KLHL1: variants seen among roughly 807,000 people sequenced by gnomAD.
KLHL1 encodes kelch-like protein 1.
In KLHL1, 47 loss-of-function variants were observed where a neutral mutation model predicts 77.7. The ratio of observed to expected loss-of-function variants is 0.60; its 90% confidence interval spans 0.48 to 0.77. The LOEUF is 0.77. Among genes scored for constraint, KLHL1 ranks in the 30% least tolerant of loss-of-function variants. The probability of loss-of-function intolerance (pLI) is 0.00; values close to 1 mark genes in which losing one functional copy is unlikely to be tolerated. For missense variants in KLHL1, 925 were observed against 910.8 expected, an observed-to-expected ratio of 1.02 and a Z score of -0.20; for synonymous variants, 360 against 325.2, an observed-to-expected ratio of 1.11 and a Z score of -1.15.
chr13:69,859,946 AATCT>A lies in KLHL1; in HGVS notation c.1228-20788_1228-20785del, dbSNP rs372947139. Among the ~76,000 whole-genome samples, 930 of 152,190 alleles carry A rather than the reference AATCT, an allele frequency of 6.1e-3. 7 individuals carry two copies. The highest frequency in any genetic ancestry group is 0.021 in the African/African-American group (854 of 41,558). ...AGAAGAAATTACAACAGAAAAACTC[AATCT>A]ATCATCTGAAGGCCTAAACAACAAC... On this transcript the variant is annotated intron_variant, in intron 5 of 10. Coordinates refer to ENST00000377844, the MANE Select transcript of KLHL1 (RefSeq NM_020866.3).
At chr13:69,904,431 G>A (rs2138232798) in intron 4 of KLHL1, among the ~76,000 whole-genome samples, 1 of 152,210 alleles carries the variant, frequency 6.6e-6, no homozygotes, top group South Asian at 2.1e-4. Flanking sequence ...CATTTCTCCT[G>A]TCAAAGCAAA....
intron 7 of KLHL1, among the ~76,000 whole-genome samples, chr13:69,755,655 A>G (rs1285967941): frequency 6.7e-6 from 1 of 149,840 alleles, no homozygotes; most frequent in Non-Finnish European, 1.5e-5. Flanking sequence ...TTTTAAAAAA[A>G]AAGCACTGCA....
chr13:70,071,838 A>C (rs1887144915), intron 1 of KLHL1, among the ~76,000 whole-genome samples: 1 of 152,130 alleles, frequency 6.6e-6, no homozygotes, highest in South Asian at 2.1e-4. Context: ...CAGTACATAC[A>C]GCAAAATTGG....
In KLHL1 at chr13:70,015,748, A is replaced by G. The variant is rs116175401; in HGVS notation, c.498-39946T>C. Among the ~76,000 whole-genome samples, 891 of 152,308 alleles carry G rather than the reference A, an allele frequency of 5.8e-3. 11 individuals are homozygous for G. Among genetic ancestry groups the G allele is most frequent in the African/African-American group, 0.02 (835 of 41,566 alleles). On this transcript the variant is annotated intron_variant, in intron 1 of 10. Transcript: ENST00000377844. Reference sequence around the variant, plus strand: ...AGGTTTGATAGGTTAGGTGTATTAAATGAATTTTCAACTTATGATATTTCA... The same window carrying G: ...AGGTTTGATAGGTTAGGTGTATTAAGTGAATTTTCAACTTATGATATTTCA...
At chr13:69,896,316 C>G (rs1420729166) in intron 4 of KLHL1, among the ~76,000 whole-genome samples, 1 of 152,172 alleles carries the variant, frequency 6.6e-6, no homozygotes, top group Non-Finnish European at 1.5e-5. Context: ...TGCCGCTACA[C>G]TTGACTAATC....
chr13:69,904,652 T>C (rs2138233205), intron 4 of KLHL1, among the ~76,000 whole-genome samples: 1 of 152,310 alleles, frequency 6.6e-6, no homozygotes, highest in African/African-American at 2.4e-5. Flanking sequence ...TTGCCACTTG[T>C]GAAAACTCAA....
At chr13:69,905,252 G>A (rs770298185) in intron 4 of KLHL1, among the ~76,000 whole-genome samples, 4 of 152,086 alleles carry the variant, frequency 2.6e-5, no homozygotes, top group Admixed American at 6.5e-5. Context: ...CTTGTATGTA[G>A]TAACGATGCT....
At chr13:70,093,092 C>A (rs1326251202) in intron 1 of KLHL1, among the ~76,000 whole-genome samples, 1 of 151,898 alleles carries the variant, frequency 6.6e-6, no homozygotes, top group Admixed American at 6.6e-5. Context: ...AATTATTTAA[C>A]CTTAAAACAT....
chr13:69,782,450 G>A (rs555300809), intron 7 of KLHL1, among the ~76,000 whole-genome samples: 13 of 152,288 alleles, frequency 8.5e-5, no homozygotes, highest in African/African-American at 3.1e-4. Context: ...GGAAAATCGG[G>A]TCACTCCCAC....
intron 3 of KLHL1, among the ~76,000 whole-genome samples, chr13:69,941,203 G>C (rs1883355807): frequency 6.6e-6 from 1 of 151,808 alleles, no homozygotes; most frequent in Non-Finnish European, 1.5e-5. Flanking sequence ...AGATAGACCA[G>C]GAACAAGTCT....
At chr13:69,912,776 C>A (rs1241197110) in intron 4 of KLHL1, among the ~76,000 whole-genome samples, 2 of 151,990 alleles carry the variant, frequency 1.3e-5, no homozygotes, top group African/African-American at 2.4e-5. Flanking sequence ...CTTTTTTTAG[C>A]TATAATCCAC....
chr13:70,076,693 G>GA (rs1887276505), intron 1 of KLHL1, among the ~76,000 whole-genome samples: 1 of 151,624 alleles, frequency 6.6e-6, no homozygotes, highest in South Asian at 2.1e-4. Context: ...AGAATCAGCA[G>GA]AATGTAAAGC....
chr13:69,717,434 G>A (rs1296833530), intron 9 of KLHL1, among the ~76,000 whole-genome samples: 1 of 152,096 alleles, frequency 6.6e-6, no homozygotes, highest in Non-Finnish European at 1.5e-5. Context: ...TAAGAATCAT[G>A]ATACTGCTGT....
chr13:69,710,427 C>T (rs772156470), intron 9 of KLHL1, among the ~76,000 whole-genome samples: 11 of 151,928 alleles, frequency 7.2e-5, no homozygotes, highest in Non-Finnish European at 1.3e-4. Context: ...TAATTAATAT[C>T]TGGTAATGCT....
intron 3 of KLHL1, among the ~76,000 whole-genome samples, chr13:69,941,683 C>A (rs932377344): frequency 6.6e-6 from 1 of 151,904 alleles, no homozygotes; most frequent in Non-Finnish European, 1.5e-5. Flanking sequence ...AAAGCTGGTT[C>A]TTTGAAAAGA....
At chr13:69,980,123 A>G (rs1367109169) in intron 1 of KLHL1, among the ~76,000 whole-genome samples, 1 of 152,192 alleles carries the variant, frequency 6.6e-6, no homozygotes, top group Admixed American at 6.5e-5. Flanking sequence ...TCAGGACTCA[A>G]TATTCTTTAC....
Position 70,107,867 on chromosome 13 carries a change from T to A in KLHL1, c.-168A>T. On this transcript the variant is annotated 5_prime_UTR_variant, in exon 1 of 11. Coordinates refer to ENST00000377844, the MANE Select transcript of KLHL1 (RefSeq NM_020866.3). Reference sequence around the variant, plus strand: ...GCTGCGCGCTCTGCCAGGCGAAGGCTGGAGCGCAGACGGCAAAGCCGCGCG... The same window carrying A: ...GCTGCGCGCTCTGCCAGGCGAAGGCAGGAGCGCAGACGGCAAAGCCGCGCG... The A allele has an allele frequency of 1.7e-6, 1 of 573,954 alleles. No individual in the cohort carries two copies. Among genetic ancestry groups the A allele is most frequent in the Non-Finnish European group, 2.9e-6 (1 of 340,652 alleles). 35.6% of individuals were successfully genotyped at this position (573,954 alleles called of 1,614,324 possible).
intron 1 of KLHL1, among the ~76,000 whole-genome samples, chr13:70,000,927 G>GA (rs35527264): frequency 0.37 from 53,925 of 144,654 alleles, 11,765 homozygotes; most frequent in African/African-American, 0.62. Flanking sequence ...ATAACTTACA[G>GA]AAAAAAAAAC....
At chr13:69,878,152 G>T (rs1352681989) in intron 5 of KLHL1, among the ~76,000 whole-genome samples, 2 of 151,970 alleles carry the variant, frequency 1.3e-5, no homozygotes, top group African/African-American at 4.8e-5. Context: ...CTAGAAATGT[G>T]TTCATGCATT....
Sources: allele counts gnomAD v4.1 joint callset (sites outside exome capture counted in the v4.1 genomes callset), GRCh38; gene constraint gnomAD v4.1.1; transcripts MANE v1.5; gene names NCBI Gene and HGNC (gene_info 2026-07-23, HGNC 2026-07-21).